The following ADAM15 variants were observed in gnomAD, a reference collection of about 807,000 sequenced individuals.
The protein encoded by ADAM15 is ADAM metallopeptidase domain 15, also known as disintegrin and metalloproteinase domain-containing protein 15.
Under a neutral mutation model 113.8 loss-of-function variants are expected in ADAM15, and 77 were observed. That is an observed-to-expected ratio of 0.68 (90% CI 0.56 to 0.82). The LOEUF (loss-of-function observed/expected upper bound fraction) is 0.82. Among genes scored for constraint, ADAM15 ranks in the 40% least tolerant of loss-of-function variants. The pLI, the probability that ADAM15 is intolerant of heterozygous loss-of-function variation, is 0.00. For missense variants in ADAM15, 963 were observed against 1,120.1 expected, an observed-to-expected ratio of 0.86 and a Z score of 2.00; for synonymous variants, 388 against 454.1, an observed-to-expected ratio of 0.85 and a Z score of 1.85.
chr1:155,058,692 C>T lies in ADAM15; in HGVS notation c.1918-18C>T, dbSNP rs1001443235. 4 of 1,611,506 alleles carry T rather than the reference C, an allele frequency of 2.5e-6. No individual in the cohort carries two copies. Among genetic ancestry groups the T allele is most frequent in the Non-Finnish European group, 3.4e-6 (4 of 1,178,714 alleles). On this transcript the variant is annotated intron_variant, in intron 15 of 22. Transcript: ENST00000356955. This position sits in a 1 kb window ranked among gnomAD's most constrained non-coding sequence, Gnocchi z 4.3. ...GCTTTGTGGGAATCTGATCCAGGCT[C>T]TTCTCTCCCTGGGTCAGGTGTGTAT...
Position 155,052,797 on chromosome 1 carries a change from T to C in ADAM15, c.186+20T>C, listed in dbSNP as rs1444030540. The C allele has an allele frequency of 3.1e-6, 5 of 1,595,170 alleles. No individual in the cohort carries two copies. Among genetic ancestry groups the C allele is most frequent in the Non-Finnish European group, 3.4e-6 (4 of 1,170,856 alleles). Reference sequence around the variant, plus strand: ...CTTCAGGTGAGCTCTCACTCCCCTCTAATAAATAAACGAATCCACACACGC... The same window carrying C: ...CTTCAGGTGAGCTCTCACTCCCCTCCAATAAATAAACGAATCCACACACGC... On this transcript the variant is annotated intron_variant, in intron 2 of 22. Coordinates refer to ENST00000356955, the MANE Select transcript of ADAM15 (RefSeq NM_207197.3).
At chr1:155,053,369 GA>G in intron 2 of ADAM15, 47 bp from the exon 3 acceptor site, 1 of 1,561,492 alleles carries the variant, frequency 6.4e-7, no homozygotes, top group Non-Finnish European at 8.8e-7. Flanking sequence ...GAGAGGCTGG[GA>G]GTTGTGGACA....
In ADAM15 at chr1:155,060,231, C is replaced by G; in HGVS notation, c.2095C>G (p.Leu699Val). The part of the protein sequence containing the change: ...KATSSLTTGL[L>V]LSLLVLLVLV... ...AACCAGCTCCCTGACCACAGGGCTG[C>G]TCCTCAGCCTCCTGGTCTTATTGGT... Residue 699 changes from leucine (L) to valine (V), a missense_variant, in exon 18 of 23, where the codon CTC becomes GTC. Coordinates refer to ENST00000356955, the MANE Select transcript of ADAM15 (RefSeq NM_207197.3). 1 of 1,614,120 alleles carries G rather than the reference C, an allele frequency of 6.2e-7. No individual in the cohort carries two copies. The highest frequency in any genetic ancestry group is 8.5e-7 in the Non-Finnish European group (1 of 1,180,008).
intron 2 of ADAM15, 105 bp from the exon 3 acceptor site, chr1:155,053,312 T>G: frequency 1.1e-5 from 11 of 1,005,988 alleles, no homozygotes; most frequent in African/African-American, 1.6e-5. Flanking sequence ...CCCCCACCAG[T>G]GATCTAATTG....
At position 155,056,150 on chromosome 1, in the gene ADAM15, A is replaced by T; in HGVS notation, c.815A>T (p.Glu272Val). 1 of 1,613,932 alleles carries T rather than the reference A, an allele frequency of 6.2e-7. No individual in the cohort carries two copies. The highest frequency in any genetic ancestry group is 1.1e-5 in the South Asian group (1 of 91,086). ...GCCTGGACCCAGCGTGACCTGGTGG[A>T]GATCAGCCCAAACCCAGCTGTCACC... is the stretch of plus-strand genomic sequence containing the variant. ...LEAWTQRDLVEISPNPAVTLE... is the reference protein window; with the variant it reads ...LEAWTQRDLVVISPNPAVTLE... The change falls in exon 9 of 23, where the codon GAG becomes GTG. Residue 272 changes from glutamate to valine, a missense_variant. By Grantham distance (121) the Glu-to-Val change is moderately radical. Transcript: ENST00000356955. The surrounding 1 kb of genome is among the most constrained non-coding windows in gnomAD (Gnocchi z 4.0).
chr1:155,058,439 C>G lies in ADAM15; in HGVS notation c.1915C>G (p.Leu639Val). ...TLPGTACGPG[L>V]VCIDHRCQRV... ...GCCTGGCACAGCCTGTGGCCCTGGC[C>G]TGGTGAGCAGCCTGGGTGGGCAAGA... Residue 639 changes from leucine (L) to valine (V), a missense_variant and splice_region_variant, in exon 15 of 23, where the codon CTG (leucine) becomes GTG (valine). Physicochemically the swap from Leu to Val is conservative, Grantham distance 32. Coordinates refer to ENST00000356955, the MANE Select transcript of ADAM15 (RefSeq NM_207197.3). This position sits in a 1 kb window ranked among gnomAD's most constrained non-coding sequence, Gnocchi z 4.3. 6.2e-7 allele frequency: 1 copy of G among 1,611,152 alleles called. No individual in the cohort carries two copies. The highest frequency in any genetic ancestry group is 2.2e-5 in the East Asian group (1 of 44,878).
chr1:155,052,461 G>C (rs1222031162), intron 1 of ADAM15: 3 of 1,517,484 alleles, frequency 2.0e-6, no homozygotes, highest in Non-Finnish European at 2.6e-6. Context: ...TTGGGGACTT[G>C]TGAATGGGTT....
chr1:155,058,584 C>T lies in ADAM15; in HGVS notation c.1918-126C>T. ...TTCTTACTTCAGATGGAGCAAAGTCCTATCAACTCACTATGCCTTGGTTTC... is the reference window on the plus strand; with the variant it reads ...TTCTTACTTCAGATGGAGCAAAGTCTTATCAACTCACTATGCCTTGGTTTC... On this transcript the variant is annotated intron_variant, in intron 15 of 22. Coordinates refer to ENST00000356955, the MANE Select transcript of ADAM15 (RefSeq NM_207197.3). This position sits in a 1 kb window ranked among gnomAD's most constrained non-coding sequence, Gnocchi z 4.3. 1.3e-6 allele frequency: 2 copies of T among 1,551,720 alleles called. No homozygotes were observed. Among genetic ancestry groups the T allele is most frequent in the Non-Finnish European group, 1.7e-6 (2 of 1,148,734 alleles).
chr1:155,051,791 A>G (rs1307125514), intron 1 of ADAM15: 1 of 257,900 alleles, frequency 3.9e-6, no homozygotes, highest in Non-Finnish European at 7.4e-6. Flanking sequence ...GCTGCTCCCC[A>G]GGACTGGCAT....
chr1:155,056,509 G>C lies in ADAM15; in HGVS notation c.999+39G>C, dbSNP rs901249944. The C allele has an allele frequency of 6.3e-7, 1 of 1,592,836 alleles. No homozygotes were observed. On this transcript the variant is annotated intron_variant, in intron 10 of 22. Transcript: ENST00000356955. The surrounding 1 kb of genome is among the most constrained non-coding windows in gnomAD (Gnocchi z 4.0). ...AGGTCTCCTCCTCATTCCCAATTCAGTTCCTCCCAAGTGTGGTGGCATTTA... is the reference window on the plus strand; with the variant it reads ...AGGTCTCCTCCTCATTCCCAATTCACTTCCTCCCAAGTGTGGTGGCATTTA...
intron 2 of ADAM15, 38 bp from the exon 3 acceptor site, chr1:155,053,379 C>T (rs768705611): frequency 6.3e-7 from 1 of 1,598,338 alleles, no homozygotes; most frequent in South Asian, 1.1e-5. Context: ...GAGTTGTGGA[C>T]AGGTCTAGGG....
rs1450706494 is a variant in ADAM15, at chr1:155,062,535, ACTTAGGG to A, written c.*37_*43del. 1.6e-5 allele frequency: 26 copies of A among 1,610,360 alleles called. No individual in the cohort carries two copies. Among genetic ancestry groups the A allele is most frequent in the Non-Finnish European group, 2.0e-5 (24 of 1,178,664 alleles). ...GGAGGTTCCGCTGCCTCCAAGCCGGACTTAGGGCTTCAAGAGGCGGGCGTGCCCTCTG... is the reference window on the plus strand; with the variant it reads ...GGAGGTTCCGCTGCCTCCAAGCCGGACTTCAAGAGGCGGGCGTGCCCTCTG... On this transcript the variant is annotated 3_prime_UTR_variant, in exon 23 of 23. Coordinates refer to ENST00000356955, the MANE Select transcript of ADAM15 (RefSeq NM_207197.3). The surrounding 1 kb of genome is among the most constrained non-coding windows in gnomAD (Gnocchi z 7.0).
At chr1:155,060,626 C>T in intron 18 of ADAM15, 137 bp from the exon 19 acceptor site, 3 of 1,006,820 alleles carry the variant, frequency 3.0e-6, no homozygotes, top group Non-Finnish European at 3.0e-6. Flanking sequence ...TACTGCCCCC[C>T]ACCCCGGCCC....
chr1:155,058,211 C>T lies in ADAM15; in HGVS notation c.1722-35C>T. 6.2e-7 allele frequency: 1 copy of T among 1,613,660 alleles called. No homozygotes were observed. Among genetic ancestry groups the T allele is most frequent in the Non-Finnish European group, 8.5e-7 (1 of 1,179,780 alleles). ...GTTTCTGAGAGCCTTGGCCCTGCTC[C>T]TACTAACTCTGTGTGCCCTTCCCCC... On this transcript the variant is annotated intron_variant, in intron 14 of 22. Transcript: ENST00000356955. The surrounding 1 kb of genome is among the most constrained non-coding windows in gnomAD (Gnocchi z 4.3).
At position 155,051,418 on chromosome 1, in the gene ADAM15, T is replaced by A; in HGVS notation, c.32T>A (p.Leu11His). 1 of 1,562,592 alleles carries A rather than the reference T, an allele frequency of 6.4e-7. No homozygotes were observed. Among genetic ancestry groups the A allele is most frequent in the Non-Finnish European group, 8.6e-7 (1 of 1,159,634 alleles). The change falls in exon 1 of 23, where the codon CTC becomes CAC. Residue 11 changes from leucine (L) to histidine (H), a missense_variant. Physicochemically the swap from Leu to His is moderately conservative, Grantham distance 99. Coordinates refer to ENST00000356955, the MANE Select transcript of ADAM15 (RefSeq NM_207197.3). Reference sequence around the variant, plus strand: ...CTGGCGCTGCTCTGGGCCCTGGGGCTCCTGGGCGCGGGCAGCCCTCTGCCT... The same window carrying A: ...CTGGCGCTGCTCTGGGCCCTGGGGCACCTGGGCGCGGGCAGCCCTCTGCCT... MRLALLWALG[L>H]LGAGSPLPSW...
rs1382209074 is a variant in ADAM15 at position 155,054,142 on chromosome 1, T to C, written c.343-8T>C. The C allele has an allele frequency of 6.2e-7, 1 of 1,614,000 alleles. No homozygotes were observed. Among genetic ancestry groups the C allele is most frequent in the Non-Finnish European group, 8.5e-7 (1 of 1,179,954 alleles). On this transcript the variant is annotated splice_polypyrimidine_tract_variant and splice_region_variant and intron_variant, in intron 4 of 22. Coordinates refer to ENST00000356955, the MANE Select transcript of ADAM15 (RefSeq NM_207197.3). ...TGAGACAGCACTAATGTTGTTCCCATGCTGCAGGAGAACTGCTGCTACCAG... is the reference window on the plus strand; with the variant it reads ...TGAGACAGCACTAATGTTGTTCCCACGCTGCAGGAGAACTGCTGCTACCAG...
rs1571612844 is a variant in ADAM15 at position 155,056,797 on chromosome 1, G to A, written c.1000-156G>A. 6.6e-6 allele frequency among the ~76,000 whole-genome samples: 1 copy of A among 152,328 alleles called. No individual in the cohort carries two copies. Among genetic ancestry groups the A allele is most frequent in the Non-Finnish European group, 1.5e-5 (1 of 68,036 alleles). ...ACCCAAGTTTCTGCCATCCAGGCCTGGGTTCTCCTACTTTAGAAGCAATTC... is the reference window on the plus strand; with the variant it reads ...ACCCAAGTTTCTGCCATCCAGGCCTAGGTTCTCCTACTTTAGAAGCAATTC... On this transcript the variant is annotated intron_variant, in intron 10 of 22. Transcript: ENST00000356955. The surrounding 1 kb of genome is among the most constrained non-coding windows in gnomAD (Gnocchi z 4.0).
At chr1:155,053,396 C>T (rs1431533800) in intron 2 of ADAM15, 21 bp from the exon 3 acceptor site, 1 of 1,613,180 alleles carries the variant, frequency 6.2e-7, no homozygotes, top group Non-Finnish European at 8.5e-7. Context: ...AGGGAGGTGA[C>T]CTGCCCTCTG....
intron 20 of ADAM15, 108 bp downstream of exon 20, chr1:155,061,597 C>T (rs1662617352): frequency 6.5e-6 from 8 of 1,228,216 alleles, no homozygotes; most frequent in South Asian, 5.3e-5. Flanking sequence ...ATTAGGTGAT[C>T]GGGGTGCCCC....
Sources: allele counts gnomAD v4.1 joint callset (sites outside exome capture counted in the v4.1 genomes callset), GRCh38; gene constraint gnomAD v4.1.1; non-coding constraint Gnocchi (gnomAD v3.1); transcripts MANE v1.5; gene names NCBI Gene and HGNC (gene_info 2026-07-23, HGNC 2026-07-21).